The following LIMA1 variants were observed in gnomAD, a reference collection of about 807,000 sequenced individuals.
LIMA1 encodes the protein LIM domain and actin-binding protein 1.
In LIMA1, 52 loss-of-function variants were observed where a neutral mutation model predicts 62.6. The observed-to-expected ratio is 0.83, with a 90% CI of 0.67 to 1.05. The LOEUF is 1.05. LIMA1 is among the 50% of genes least tolerant of loss of function. The pLI is 0.00. For synonymous variants in LIMA1, 302 were observed against 317.8 expected, an observed-to-expected ratio of 0.95 and a Z score of 0.53; for missense variants, 780 against 902.2, an observed-to-expected ratio of 0.86 and a Z score of 1.74.
rs1592575428 is a variant in LIMA1 at position 50,278,671 on chromosome 12, T to A, written c.-24+4749A>T. On this transcript the variant is annotated intron_variant, in intron 1 of 10. Coordinates refer to ENST00000341247, the MANE Select transcript of LIMA1 (RefSeq NM_016357.5). ...TTTGTTCTCAATTGTTTTCATTTAA[T>A]GTAAAACCAAAACACAAATAAATTA... Among the ~76,000 whole-genome samples the A allele has an allele frequency of 2.0e-5, 3 of 152,212 alleles. No homozygotes were observed. The South Asian group carries it at 6.2e-4, about 32-fold the overall frequency.
At chr12:50,221,818 G>C (rs1304296104) in intron 4 of LIMA1, among the ~76,000 whole-genome samples, 1 of 152,180 alleles carries the variant, frequency 6.6e-6, no homozygotes, top group Non-Finnish European at 1.5e-5. Flanking sequence ...GTGTGAACCT[G>C]ATTTAACATG....
intron 1 of LIMA1, among the ~76,000 whole-genome samples, chr12:50,267,105 T>C (rs1320991655): frequency 1.3e-5 from 2 of 152,160 alleles, no homozygotes; most frequent in Non-Finnish European, 2.9e-5. Context: ...AGTCTAGCTC[T>C]GTCGCCCAGG....
intron 2 of LIMA1, chr12:50,234,325 C>T (rs1483949717): frequency 7.9e-5 from 24 of 302,672 alleles, no homozygotes; most frequent in South Asian, 4.4e-4. Context: ...TCTCATCCCT[C>T]GGCCTCCCAA....
At chr12:50,274,677 G>A (rs557265796) in intron 1 of LIMA1, among the ~76,000 whole-genome samples, 1 of 152,160 alleles carries the variant, frequency 6.6e-6, no homozygotes, top group Non-Finnish European at 1.5e-5. Context: ...TGGTGTGAAG[G>A]AAATACAAAA....
At chr12:50,191,771 A>G (rs888776158) in intron 9 of LIMA1, among the ~76,000 whole-genome samples, 1 of 152,036 alleles carries the variant, frequency 6.6e-6, no homozygotes, top group African/African-American at 2.4e-5. Flanking sequence ...GCAGTGAGCC[A>G]AGATAGCGCC....
At chr12:50,184,268 T>G (rs1940577007) in intron 9 of LIMA1, among the ~76,000 whole-genome samples, 1 of 152,252 alleles carries the variant, frequency 6.6e-6, no homozygotes, top group Non-Finnish European at 1.5e-5. Context: ...CTTTTTTTCT[T>G]ATATGGACAC....
At position 50,256,325 on chromosome 12, in the gene LIMA1, T is replaced by C. The variant is rs530491334; in HGVS notation, c.-23-7551A>G. The C allele has an allele frequency of 3.9e-5, 6 of 152,266 alleles. 2 individuals carry two copies. In the South Asian group the frequency reaches 1.2e-3, roughly 32 times the overall value. The allele number at this position is 152,266 out of a possible 1,614,324, so 9.4% of individuals were successfully genotyped here. Reference sequence around the variant, plus strand: ...TCTGTATCATTTCAACTTTAGTATATGTATGACTGAAGTGAGCACTCACCT... The same window carrying C: ...TCTGTATCATTTCAACTTTAGTATACGTATGACTGAAGTGAGCACTCACCT... On this transcript the variant is annotated intron_variant, in intron 1 of 10. Transcript: ENST00000341247.
chr12:50,221,826 A>G (rs1338726533), intron 4 of LIMA1, among the ~76,000 whole-genome samples, 195 bp downstream of exon 4: 2 of 152,242 alleles, frequency 1.3e-5, no homozygotes, highest in East Asian at 3.8e-4. Context: ...CTGATTTAAC[A>G]TGAAATTGTG....
chr12:50,269,426 C>A (rs1942176635), intron 1 of LIMA1, among the ~76,000 whole-genome samples: 1 of 151,988 alleles, frequency 6.6e-6, no homozygotes, highest in African/African-American at 2.4e-5. Flanking sequence ...GGAAAATAAA[C>A]CAGAAAAGCA....
At chr12:50,193,686 T>C (rs1237230639) in intron 8 of LIMA1, among the ~76,000 whole-genome samples, 3 of 125,380 alleles carry the variant, frequency 2.4e-5, no homozygotes, top group East Asian at 4.9e-4. Flanking sequence ...TTTTTTTTTT[T>C]CAGAGTCTCA....
At chr12:50,226,339 C>T (rs1276680691) in intron 3 of LIMA1, among the ~76,000 whole-genome samples, 2 of 152,082 alleles carry the variant, frequency 1.3e-5, no homozygotes. Flanking sequence ...ACCATGCCCA[C>T]CCTCTTCTTT....
intron 3 of LIMA1, among the ~76,000 whole-genome samples, chr12:50,226,183 AC>A (rs1170758426): frequency 1.3e-5 from 2 of 152,064 alleles, no homozygotes; most frequent in African/African-American, 4.8e-5. Context: ...AGTATCTGGG[AC>A]CGCAGGCCCA....
At chr12:50,198,206 T>C (rs1940970942) in intron 7 of LIMA1, among the ~76,000 whole-genome samples, 1 of 152,210 alleles carries the variant, frequency 6.6e-6, no homozygotes, top group African/African-American at 2.4e-5. Context: ...TTCCTGTTAG[T>C]ATTCTGACAA....
chr12:50,258,172 G>A (rs1363330127), intron 1 of LIMA1, among the ~76,000 whole-genome samples: 1 of 152,106 alleles, frequency 6.6e-6, no homozygotes, highest in Non-Finnish European at 1.5e-5. Context: ...TCTTTTATGG[G>A]AGAAGTTAGC....
At chr12:50,226,838 A>G (rs1941536698) in intron 3 of LIMA1, among the ~76,000 whole-genome samples, 1 of 123,350 alleles carries the variant, frequency 8.1e-6, no homozygotes, top group African/African-American at 3.6e-5. Context: ...ATTCCATATG[A>G]AAAAAAAAAA....
intron 1 of LIMA1, among the ~76,000 whole-genome samples, chr12:50,281,233 C>T (rs890319772): frequency 6.6e-6 from 1 of 151,932 alleles, no homozygotes; most frequent in African/African-American, 2.4e-5. Flanking sequence ...GTGAAAAATA[C>T]CAGAGAAAAT....
chr12:50,251,429 T>C (rs1941928576), intron 1 of LIMA1, among the ~76,000 whole-genome samples: 1 of 152,058 alleles, frequency 6.6e-6, no homozygotes, highest in Admixed American at 6.6e-5. Context: ...AAGACCAGCC[T>C]GACCAACATG....
At chr12:50,223,835 C>G (rs1206411230) in intron 3 of LIMA1, among the ~76,000 whole-genome samples, 6 of 152,056 alleles carry the variant, frequency 3.9e-5, no homozygotes, top group Admixed American at 3.9e-4. Flanking sequence ...GTCAGGAGTT[C>G]GTGGCCAGCC....
intron 2 of LIMA1, among the ~76,000 whole-genome samples, chr12:50,236,734 C>A (rs977735634): frequency 5.4e-5 from 8 of 149,406 alleles, no homozygotes; most frequent in African/African-American, 1.7e-4. Flanking sequence ...CTCCTTAAAA[C>A]CACACACACA....
Sources: allele counts gnomAD v4.1 joint callset (sites outside exome capture counted in the v4.1 genomes callset), GRCh38; gene constraint gnomAD v4.1.1; transcripts MANE v1.5; gene names NCBI Gene and HGNC (gene_info 2026-07-23, HGNC 2026-07-21).